OPRM1: variants seen among roughly 807,000 people sequenced by gnomAD.
OPRM1 encodes the protein opioid receptor mu 1, also known as mu-type opioid receptor.
A neutral mutation model predicts 31.8 loss-of-function variants in OPRM1; 27 were observed. The observed-to-expected ratio is 0.85, with a 90% CI of 0.63 to 1.17. The LOEUF (loss-of-function observed/expected upper bound fraction) is 1.17, where lower values mean the gene tolerates loss of function less well. OPRM1 is among the 50% of genes most tolerant of loss of function. The pLI is 0.00. For synonymous variants in OPRM1, 196 were observed against 189.9 expected, an observed-to-expected ratio of 1.03 and a Z score of -0.26; for missense variants, 536 against 511.1, an observed-to-expected ratio of 1.05 and a Z score of -0.47.
chr6:154,160,461 A>G (rs1293148467), intron 3 of OPRM1, among the ~76,000 whole-genome samples: 1 of 152,258 alleles, frequency 6.6e-6, no homozygotes, highest in Non-Finnish European at 1.5e-5. Context: ...ATATGGCAAC[A>G]TAAAATATGT....
intron 1 of OPRM1, among the ~76,000 whole-genome samples, chr6:154,033,831 A>G (rs1378868240): frequency 6.6e-6 from 1 of 152,224 alleles, no homozygotes; most frequent in Admixed American, 6.5e-5. Flanking sequence ...CAAGGTCAAA[A>G]AAATTTTAAT....
At chr6:154,040,755 A>G (rs1461421370) in intron 1 of OPRM1, among the ~76,000 whole-genome samples, 1 of 152,212 alleles carries the variant, frequency 6.6e-6, no homozygotes, top group African/African-American at 2.4e-5. Context: ...AGTAAAATTA[A>G]TTCAAAAGAG....
At chr6:154,104,678 C>A in intron 3 of OPRM1, among the ~76,000 whole-genome samples, 1 of 152,152 alleles carries the variant, frequency 6.6e-6, no homozygotes, top group East Asian at 1.9e-4. Flanking sequence ...TTACTAAAGA[C>A]AAATCATGGT....
At position 154,126,981 on chromosome 6, in the gene OPRM1, C is replaced by T. The variant is rs1486021220; in HGVS notation, c.*8260C>T. Among the ~76,000 whole-genome samples the T allele has an allele frequency of 3.9e-5, 6 of 152,000 alleles. No individual in the cohort carries two copies. The highest frequency in any genetic ancestry group is 1.9e-4 in the East Asian group (1 of 5,182). ...AAAATTAGGAAGGCGTGGTGGTGCA[C>T]GCCTGTAATCCCAGCTAGTCGGGAG... is the stretch of plus-strand genomic sequence containing the variant. On this transcript the variant is annotated 3_prime_UTR_variant, in exon 4 of 4. Transcript: ENST00000330432.
intron 3 of OPRM1, among the ~76,000 whole-genome samples, chr6:154,206,704 G>C (rs1347689441): frequency 6.6e-6 from 1 of 152,192 alleles, no homozygotes; most frequent in Non-Finnish European, 1.5e-5. Context: ...TCTCATGAAG[G>C]AATCTACATC....
At chr6:154,108,708 C>T (rs1795980358) in intron 3 of OPRM1, 3 of 855,836 alleles carry the variant, frequency 3.5e-6, no homozygotes, top group South Asian at 5.4e-5. Flanking sequence ...GGGTCTCTAA[C>T]ACCCTAAATC....
intron 1 of OPRM1, among the ~76,000 whole-genome samples, chr6:154,044,438 A>G (rs569481626): frequency 2.8e-4 from 43 of 152,282 alleles, no homozygotes; most frequent in Middle Eastern, 3.4e-3. Flanking sequence ...TAGAAAATAG[A>G]TGTCAAATAA....
rs1778721626 is a variant in OPRM1, at chr6:154,219,961, A to G, written c.1165-26732A>G. Among the ~76,000 whole-genome samples, 2 of 151,218 alleles carry G rather than the reference A, an allele frequency of 1.3e-5. 1 individual carries two copies. The highest frequency in any genetic ancestry group is 4.2e-4 in the South Asian group (2 of 4,784). On this transcript the variant is annotated intron_variant, in intron 3 of 3. Coordinates refer to the OPRM1 transcript ENST00000337049. Reference sequence around the variant, plus strand: ...CAGATGAGAGTCCTTCTAGCTGGACAGAGCTGAGCGGATACCTGTAAGGAG... The same window carrying G: ...CAGATGAGAGTCCTTCTAGCTGGACGGAGCTGAGCGGATACCTGTAAGGAG...
rs78411822 is a variant in OPRM1 at position 154,090,789 on chromosome 6, T to C, written c.644-163T>C. Among the ~76,000 whole-genome samples the C allele has an allele frequency of 3.3e-4, 50 of 152,324 alleles. No individual in the cohort carries two copies. In the East Asian group the frequency reaches 9.1e-3, roughly 28 times the overall value. ...ACAAAAAACATTAGAAGTAAAACTT[T>C]CTTTGAAAAGTAACAAACAACTGAG... On this transcript the variant is annotated intron_variant, in intron 2 of 3. Coordinates refer to ENST00000330432, the MANE Select transcript of OPRM1 (RefSeq NM_000914.5).
chr6:154,051,652 G>A (rs1037605078), intron 1 of OPRM1, among the ~76,000 whole-genome samples: 2 of 152,140 alleles, frequency 1.3e-5, no homozygotes, highest in African/African-American at 4.8e-5. Context: ...AGTCAGAATG[G>A]CGATTATTAA....
At chr6:154,173,673 G>A (rs897306650) in intron 3 of OPRM1, among the ~76,000 whole-genome samples, 67 of 152,298 alleles carry the variant, frequency 4.4e-4, no homozygotes, top group African/African-American at 1.6e-3. Flanking sequence ...GGGATTATGT[G>A]AAAAGACCAA....
intron 3 of OPRM1, among the ~76,000 whole-genome samples, chr6:154,105,736 A>G (rs985743473): frequency 6.6e-6 from 1 of 152,240 alleles, no homozygotes; most frequent in Non-Finnish European, 1.5e-5. Flanking sequence ...TGGAACATAT[A>G]CCAGTAACAC....
intron 3 of OPRM1, among the ~76,000 whole-genome samples, chr6:154,154,157 A>C (rs1798621572): frequency 6.6e-6 from 1 of 152,224 alleles, no homozygotes; most frequent in African/African-American, 2.4e-5. Flanking sequence ...GCAGTCAAGG[A>C]GCATGAATCA....
At chr6:154,196,142 G>A (rs1327971976) in intron 3 of OPRM1, among the ~76,000 whole-genome samples, 1 of 152,088 alleles carries the variant, frequency 6.6e-6, no homozygotes, top group Non-Finnish European at 1.5e-5. Context: ...GCACATGTAT[G>A]TTAGGTACTC....
rs199894805 is a variant in OPRM1 at position 154,039,485 on chromosome 6, C to T, written c.-60C>T. On this transcript the variant is annotated 5_prime_UTR_variant, in exon 1 of 4. An upstream open reading frame in the 5' UTR gains an earlier in-frame stop. Coordinates refer to ENST00000330432, the MANE Select transcript of OPRM1 (RefSeq NM_000914.5). ...GGAAGCGGCTGAGGCGCTTGGAACC[C>T]GAAAAGTCTCGGTGCTCCTGGCTAC... The T allele has an allele frequency of 6.4e-7, 1 of 1,562,520 alleles. No individual in the cohort carries two copies. Among genetic ancestry groups the T allele is most frequent in the African/African-American group, 1.4e-5 (1 of 73,738 alleles).
At chr6:154,151,352 G>C (rs915482891) in intron 3 of OPRM1, among the ~76,000 whole-genome samples, 4 of 152,172 alleles carry the variant, frequency 2.6e-5, no homozygotes, top group African/African-American at 9.7e-5. Context: ...GATTCAGCCT[G>C]GTCCCTGGGG....
In OPRM1 at chr6:154,040,488, C is replaced by A. The variant is rs1320961616; in HGVS notation, c.290+654C>A. 2.0e-5 allele frequency among the ~76,000 whole-genome samples: 3 copies of A among 152,120 alleles called. No homozygotes were observed. In the East Asian group the frequency reaches 5.8e-4, roughly 29 times the overall value. On this transcript the variant is annotated intron_variant, in intron 1 of 3. Coordinates refer to ENST00000330432, the MANE Select transcript of OPRM1 (RefSeq NM_000914.5). Reference sequence around the variant, plus strand: ...CCTAGCATCTCTCCATGACAGTTTTCCTCTGTTATAACAAACATGACAAAT... The same window carrying A: ...CCTAGCATCTCTCCATGACAGTTTTACTCTGTTATAACAAACATGACAAAT...
At chr6:154,138,197 TC>T (rs1044743215) in intron 3 of OPRM1, among the ~76,000 whole-genome samples, 8 of 152,088 alleles carry the variant, frequency 5.3e-5, no homozygotes, top group Non-Finnish European at 1.0e-4. Flanking sequence ...GCAAAGTCTC[TC>T]ATAATTGACG....
chr6:154,173,057 C>G (rs143756064), intron 3 of OPRM1, among the ~76,000 whole-genome samples: 60 of 152,368 alleles, frequency 3.9e-4, no homozygotes, highest in South Asian at 1.5e-3. Flanking sequence ...CAAACTCCAA[C>G]AGACGTGCAG....
Sources: gnomAD v4.1 joint callset for allele counts (sites outside exome capture counted in the v4.1 genomes callset) on GRCh38, gnomAD v4.1.1 for gene constraint, MANE v1.5 for transcripts, NCBI Gene and HGNC (gene_info 2026-07-23, HGNC 2026-07-21) for gene names.